Variants in RFC3 observed in about 807,000 individuals in gnomAD.
RFC3 encodes the protein replication factor C subunit 3.
Under a neutral mutation model 45.1 loss-of-function variants are expected in RFC3, and 41 were observed. The ratio of observed to expected loss-of-function variants is 0.91; its 90% confidence interval spans 0.71 to 1.18. RFC3 has a LOEUF of 1.18. Among genes scored for constraint, RFC3 ranks in the 50% most tolerant of loss-of-function variants. The pLI is 0.00. For synonymous variants in RFC3, 149 were observed against 144.0 expected (o/e 1.03, Z -0.25); for missense variants, 423 against 428.1 (o/e 0.99, Z 0.10).
chr13:33,845,417 C>A (rs1427357158), intron 8 of RFC3, among the ~76,000 whole-genome samples: 1 of 152,068 alleles, frequency 6.6e-6, no homozygotes, highest in African/African-American at 2.4e-5. Context: ...TTAGATATGC[C>A]CTCTTGAAGA....
intron 8 of RFC3, among the ~76,000 whole-genome samples, chr13:33,884,593 C>T (rs1176847004): frequency 2.0e-5 from 3 of 152,188 alleles, no homozygotes; most frequent in Non-Finnish European, 4.4e-5. Flanking sequence ...TTTCTCCCAG[C>T]AATCCATCCA....
intron 8 of RFC3, among the ~76,000 whole-genome samples, chr13:33,863,173 A>T (rs1190690637): frequency 6.6e-6 from 1 of 152,220 alleles, no homozygotes; most frequent in East Asian, 1.9e-4. Flanking sequence ...GTTTTTCATC[A>T]CAATAGTTAT....
intron 8 of RFC3, among the ~76,000 whole-genome samples, chr13:33,900,726 C>G (rs1009572406): frequency 1.3e-5 from 2 of 150,992 alleles, no homozygotes; most frequent in Admixed American, 1.3e-4. Flanking sequence ...ACAAAAGAAA[C>G]AATCAACAAA....
chr13:33,923,423 C>G (rs1224565299), intron 8 of RFC3, among the ~76,000 whole-genome samples: 1 of 152,066 alleles, frequency 6.6e-6, no homozygotes, highest in African/African-American at 2.4e-5. Flanking sequence ...CATCCTTGCT[C>G]CTGGCTGTAG....
intron 1 of RFC3, among the ~76,000 whole-genome samples, chr13:33,819,860 A>G (rs1378902824): frequency 1.3e-5 from 2 of 152,244 alleles, no homozygotes; most frequent in Non-Finnish European, 2.9e-5. Flanking sequence ...CATTTAAAGC[A>G]TAACCCTTAT....
intron 8 of RFC3, among the ~76,000 whole-genome samples, chr13:33,932,428 C>A (rs1447206451): frequency 6.6e-6 from 1 of 152,040 alleles, no homozygotes; most frequent in Admixed American, 6.6e-5. Context: ...AAACAGTTTT[C>A]CCTCCCAAAC....
chr13:33,917,507 A>G (rs2082740565), intron 8 of RFC3, among the ~76,000 whole-genome samples: 1 of 152,120 alleles, frequency 6.6e-6, no homozygotes, highest in Admixed American at 6.5e-5. Context: ...GAGTTAAGCT[A>G]ATGCTGCCAG....
intron 8 of RFC3, among the ~76,000 whole-genome samples, chr13:33,908,332 CT>C: frequency 6.6e-6 from 1 of 152,050 alleles, no homozygotes; most frequent in East Asian, 1.9e-4. Context: ...ATAGAGTAGG[CT>C]TTTGTGGCAT....
chr13:33,920,007 G>C lies in RFC3; in HGVS notation c.880-46080G>C, dbSNP rs1360391469. On this transcript the variant is annotated intron_variant, in intron 8 of 8. Coordinates refer to the RFC3 transcript ENST00000434425. The stretch of plus-strand genomic sequence containing the variant: ...ATATGGTGGCAGGCATATAAAAGAT[G>C]CCCTAGAAATTTTACTCTTGTTCCT... 2.0e-5 allele frequency among the ~76,000 whole-genome samples: 3 copies of C among 152,084 alleles called. No homozygotes were observed. In the East Asian group the frequency reaches 5.8e-4, roughly 29 times the overall value.
At chr13:33,929,180 C>A (rs1288097292) in intron 8 of RFC3, among the ~76,000 whole-genome samples, 1 of 152,030 alleles carries the variant, frequency 6.6e-6, no homozygotes, top group African/African-American at 2.4e-5. Flanking sequence ...CAGACATTCC[C>A]AGTCATGAGG....
intron 8 of RFC3, among the ~76,000 whole-genome samples, chr13:33,938,521 T>TAAATGGATTTTTAACA (rs1236983781): frequency 1.3e-5 from 2 of 152,106 alleles, no homozygotes; most frequent in Non-Finnish European, 2.9e-5. Context: ...GTGTTAAAAA[T>TAAATGGATTTTTAACA]CCATTTATTT....
At chr13:33,913,961 A>G (rs79282194) in intron 8 of RFC3, among the ~76,000 whole-genome samples, 4,114 of 152,130 alleles carry the variant, frequency 0.027, 78 homozygotes, top group Non-Finnish European at 0.041. Flanking sequence ...ATATGAAAGA[A>G]GAGTGCATCC....
intron 8 of RFC3, among the ~76,000 whole-genome samples, chr13:33,866,660 A>G (rs1472817589): frequency 2.0e-5 from 3 of 152,118 alleles, no homozygotes; most frequent in Non-Finnish European, 4.4e-5. Context: ...TCACAAGGGG[A>G]TACTCTTTAT....
At chr13:33,932,724 A>G (rs1224449902) in intron 8 of RFC3, among the ~76,000 whole-genome samples, 2 of 152,176 alleles carry the variant, frequency 1.3e-5, no homozygotes, top group African/African-American at 4.8e-5. Flanking sequence ...CATGGTCCAC[A>G]TGCATAAACC....
intron 8 of RFC3, among the ~76,000 whole-genome samples, chr13:33,948,802 C>T (rs1294037667): frequency 6.6e-6 from 1 of 152,138 alleles, no homozygotes; most frequent in Non-Finnish European, 1.5e-5. Context: ...GTCTGTAGCC[C>T]CTTTGTTCTG....
At chr13:33,911,295 A>AC (rs1369753148) in intron 8 of RFC3, among the ~76,000 whole-genome samples, 4 of 152,112 alleles carry the variant, frequency 2.6e-5, no homozygotes, top group Non-Finnish European at 5.9e-5. Context: ...GTCAAGTGGG[A>AC]GAACAGCCTG....
chr13:33,966,491 T>C (rs1304721162), exon 9 of RFC3: 1 of 249,358 alleles, frequency 4.0e-6, no homozygotes, highest in African/African-American at 2.2e-5. Context: ...CTATTTGTCA[T>C]GTATTTAATA....
At chr13:33,940,647 T>C (rs996710992) in intron 8 of RFC3, among the ~76,000 whole-genome samples, 11 of 152,198 alleles carry the variant, frequency 7.2e-5, no homozygotes, top group Admixed American at 1.3e-4. Flanking sequence ...TATTACCTTG[T>C]CTGTCATATC....
chr13:33,937,303 G>A (rs192733807), intron 8 of RFC3, among the ~76,000 whole-genome samples: 1 of 152,272 alleles, frequency 6.6e-6, no homozygotes, highest in Non-Finnish European at 1.5e-5. Context: ...GGTTAGGTGT[G>A]TAGTAAGCTA....
Sources: allele counts gnomAD v4.1 joint callset (sites outside exome capture counted in the v4.1 genomes callset), GRCh38; gene constraint gnomAD v4.1.1; transcripts MANE v1.5; gene names NCBI Gene and HGNC (gene_info 2026-07-23, HGNC 2026-07-21).